Variants in FAM193A observed in about 807,000 individuals in gnomAD.
FAM193A encodes the protein protein FAM193A.
FAM193A carries 22 observed loss-of-function variants against 126.5 expected under a neutral mutation model. That is an observed-to-expected ratio of 0.17 (90% CI 0.12 to 0.25). The LOEUF is 0.25. Among genes scored for constraint, FAM193A ranks in the 10% least tolerant of loss-of-function variants. FAM193A has a pLI of 1.00. For synonymous variants in FAM193A, 761 were observed against 646.8 expected, an observed-to-expected ratio of 1.18 and a Z score of -2.68; for missense variants, 1,675 against 1,672.8, an observed-to-expected ratio of 1.00 and a Z score of -0.02.
intron 11 of FAM193A, 55 bp downstream of exon 11, chr4:2,663,046 C>G: frequency 1.3e-6 from 2 of 1,596,426 alleles, no homozygotes; most frequent in South Asian, 2.2e-5. Flanking sequence ...GATGGTCTGA[C>G]ATTTTAATAT....
chr4:2,710,970 G>C (rs1381681788), intron 19 of FAM193A, among the ~76,000 whole-genome samples: 1 of 149,810 alleles, frequency 6.7e-6, no homozygotes, highest in East Asian at 2.0e-4. Flanking sequence ...TCCTGACTCA[G>C]CCTCCCAAGT....
chr4:2,599,885 G>T (rs1050040450), intron 2 of FAM193A, among the ~76,000 whole-genome samples: 1 of 150,814 alleles, frequency 6.6e-6, no homozygotes. Context: ...ATAGGCATGC[G>T]CCATCACACC....
At chr4:2,543,295 G>A (rs1737345454) in intron 1 of FAM193A, among the ~76,000 whole-genome samples, 1 of 151,838 alleles carries the variant, frequency 6.6e-6, no homozygotes, top group Non-Finnish European at 1.5e-5. Flanking sequence ...CATCATGTTA[G>A]CCAGGATGGT....
At chr4:2,633,058 C>T (rs1167520889) in intron 5 of FAM193A, among the ~76,000 whole-genome samples, 2 of 152,150 alleles carry the variant, frequency 1.3e-5, no homozygotes, top group Non-Finnish European at 2.9e-5. Flanking sequence ...TAATTTGAAC[C>T]ATATTTATTA....
At chr4:2,573,085 CAG>C (rs1739385343) in intron 1 of FAM193A, among the ~76,000 whole-genome samples, 1 of 152,104 alleles carries the variant, frequency 6.6e-6, no homozygotes, top group South Asian at 2.1e-4. Context: ...GACTCAGTGT[CAG>C]ATAAGCAGGA....
intron 4 of FAM193A, among the ~76,000 whole-genome samples, chr4:2,629,229 AAAG>A (rs1379243743): frequency 2.0e-5 from 3 of 152,108 alleles, no homozygotes; most frequent in Non-Finnish European, 4.4e-5. Context: ...CAAAAAAAAA[AAAG>A]AGATCTAAGT....
rs1577260975 is a variant in FAM193A at position 2,715,011 on chromosome 4, C to T, written c.4373-1012C>T. ...ATTCACGATTGAATTAGATAAGTGA[C>T]CAGAACAGAACAGAGAAGTAGAAAT... On this transcript the variant is annotated intron_variant, in intron 19 of 20. Coordinates refer to ENST00000637812, the MANE Select transcript of FAM193A (RefSeq NM_001366318.2). Among the ~76,000 whole-genome samples, 3 of 151,566 alleles carry T rather than the reference C, an allele frequency of 2.0e-5. No homozygotes were observed. The South Asian group carries it at 6.2e-4, about 31-fold the overall frequency.
intron 7 of FAM193A, among the ~76,000 whole-genome samples, chr4:2,655,887 C>G (rs544695461): frequency 5.3e-5 from 8 of 152,242 alleles, no homozygotes; most frequent in African/African-American, 1.7e-4. Flanking sequence ...TGTGATCATA[C>G]CACTGTAGTC....
At chr4:2,674,894 A>G (rs1714226003) in intron 13 of FAM193A, among the ~76,000 whole-genome samples, 1 of 152,150 alleles carries the variant, frequency 6.6e-6, no homozygotes, top group Admixed American at 6.5e-5. Flanking sequence ...TTCTGTTTTC[A>G]AGTGTCTCCA....
At chr4:2,609,290 A>G (rs902377411) in intron 2 of FAM193A, among the ~76,000 whole-genome samples, 24 of 152,268 alleles carry the variant, frequency 1.6e-4, no homozygotes, top group African/African-American at 5.5e-4. Flanking sequence ...TAACATTTGC[A>G]TATGTTTAAC....
At chr4:2,557,088 T>G (rs1738303978) in intron 1 of FAM193A, among the ~76,000 whole-genome samples, 1 of 152,210 alleles carries the variant, frequency 6.6e-6, no homozygotes, top group South Asian at 2.1e-4. Flanking sequence ...CTATATATAG[T>G]ACCTTTACCA....
At chr4:2,619,543 T>C (rs1316955077) in intron 2 of FAM193A, among the ~76,000 whole-genome samples, 1 of 152,136 alleles carries the variant, frequency 6.6e-6, no homozygotes, top group Admixed American at 6.6e-5. Flanking sequence ...AATTTTTGTA[T>C]TTTTAGTAGA....
intron 2 of FAM193A, among the ~76,000 whole-genome samples, chr4:2,614,222 C>G (rs1742054568): frequency 2.0e-5 from 3 of 152,160 alleles, no homozygotes; most frequent in Admixed American, 1.3e-4. Context: ...GAGTAAGCAT[C>G]CTCTTGCTCA....
At chr4:2,548,243 G>C (rs190011319) in intron 1 of FAM193A, among the ~76,000 whole-genome samples, 1 of 151,092 alleles carries the variant, frequency 6.6e-6, no homozygotes, top group African/African-American at 2.4e-5. Flanking sequence ...GACTAATTTG[G>C]TATTTTTAGT....
intron 20 of FAM193A, among the ~76,000 whole-genome samples, chr4:2,720,831 CTAAA>C (rs1720058405): frequency 6.6e-6 from 1 of 152,104 alleles, no homozygotes; most frequent in Admixed American, 6.6e-5. Flanking sequence ...TAAAGAAGAT[CTAAA>C]TCACAGAGAT....
chr4:2,694,886 A>T, intron 16 of FAM193A, 60 bp from the exon 17 acceptor site: 1 of 1,439,244 alleles, frequency 6.9e-7, no homozygotes, highest in Non-Finnish European at 9.4e-7. Context: ...ATGTGCAACA[A>T]TGTGAGTCAT....
chr4:2,573,260 C>A (rs1053553883), intron 1 of FAM193A, among the ~76,000 whole-genome samples: 1 of 152,172 alleles, frequency 6.6e-6, no homozygotes, highest in South Asian at 2.1e-4. Flanking sequence ...CACCTGTAAT[C>A]CCAGCACTTT....
chr4:2,648,266 G>T (rs1745338144), intron 7 of FAM193A, among the ~76,000 whole-genome samples: 1 of 152,090 alleles, frequency 6.6e-6, no homozygotes. Flanking sequence ...CTGTGCTGTT[G>T]AGCTTGTCTT....
chr4:2,632,830 T>TGCCCTTCAGAGGTTCAAATCCAGA (rs1743730292), intron 5 of FAM193A, among the ~76,000 whole-genome samples: 1 of 152,112 alleles, frequency 6.6e-6, no homozygotes, highest in Admixed American at 6.6e-5. Flanking sequence ...AGAGTCTGCC[T>TGCCCTTCAGAGGTTCAAATCCAGA]GCCCTTCAGA....
Sources: gnomAD v4.1 joint callset for allele counts (sites outside exome capture counted in the v4.1 genomes callset) on GRCh38, gnomAD v4.1.1 for gene constraint, MANE v1.5 for transcripts, NCBI Gene and HGNC (gene_info 2026-07-23, HGNC 2026-07-21) for gene names.